The following CSMD1 variants were observed in gnomAD, a reference collection of about 807,000 sequenced individuals.
CSMD1 encodes the protein CUB and Sushi multiple domains 1.
A neutral mutation model predicts 417.5 loss-of-function variants in CSMD1; 213 were observed. That is an observed-to-expected ratio of 0.51 (90% CI 0.46 to 0.57). The LOEUF (loss-of-function observed/expected upper bound fraction) is 0.57. CSMD1 is among the 20% of genes least tolerant of loss of function. The pLI is 0.00. For synonymous variants in CSMD1, 2,862 were observed against 1,736.8 expected (o/e 1.65, Z -16.11); for missense variants, 6,923 against 4,529.7 (o/e 1.53, Z -15.17).
Position 4,198,464 on chromosome 8 carries a change from G to A in CSMD1, c.416-166365C>T, listed in dbSNP as rs538142318. Among the ~76,000 whole-genome samples, 3 of 152,262 alleles carry A rather than the reference G, an allele frequency of 2.0e-5. 1 individual carries two copies. Among genetic ancestry groups the A allele is most frequent in the South Asian group, 4.1e-4 (2 of 4,824 alleles). On this transcript the variant is annotated intron_variant, in intron 3 of 69. Transcript: ENST00000635120. Reference sequence around the variant, plus strand: ...GGTGGTTAGGTAAAATATGGATTTGGGGGATGAGAAAGAAATCACTAGAGG... The same window carrying A: ...GGTGGTTAGGTAAAATATGGATTTGAGGGATGAGAAAGAAATCACTAGAGG...
At chr8:3,576,229 G>T (rs1188889541) in intron 9 of CSMD1, among the ~76,000 whole-genome samples, 1 of 151,438 alleles carries the variant, frequency 6.6e-6, no homozygotes, top group African/African-American at 2.4e-5. Flanking sequence ...TTTCCAAAGG[G>T]ACTCAAGAAC....
intron 3 of CSMD1, among the ~76,000 whole-genome samples, chr8:4,216,904 T>A (rs73658491): frequency 0.032 from 4,940 of 152,266 alleles, 222 homozygotes; most frequent in East Asian, 0.11. Context: ...CCAGTTTTGA[T>A]TTCCAGCATC....
At chr8:3,582,297 T>C (rs769496966) in intron 9 of CSMD1, among the ~76,000 whole-genome samples, 1 of 152,210 alleles carries the variant, frequency 6.6e-6, no homozygotes, top group Non-Finnish European at 1.5e-5. Context: ...TCCACTTTTA[T>C]AAATGTTTTT....
At chr8:3,757,341 T>G (rs1276617869) in intron 5 of CSMD1, among the ~76,000 whole-genome samples, 8 of 152,222 alleles carry the variant, frequency 5.3e-5, no homozygotes, top group Admixed American at 2.6e-4. Context: ...ACTTTGCAGG[T>G]GTAGTTGGCA....
chr8:3,829,883 C>G (rs1563122774), intron 5 of CSMD1, among the ~76,000 whole-genome samples: 1 of 152,104 alleles, frequency 6.6e-6, no homozygotes. Flanking sequence ...GTTATGTGAA[C>G]ATCTATCTAC....
At chr8:4,810,448 T>G (rs943977267) in intron 1 of CSMD1, among the ~76,000 whole-genome samples, 24 of 152,192 alleles carry the variant, frequency 1.6e-4, no homozygotes, top group Non-Finnish European at 5.9e-5. Context: ...GGCCTTTTCT[T>G]GCTTTGCCAC....
chr8:4,309,130 C>G (rs182553915), intron 3 of CSMD1, among the ~76,000 whole-genome samples: 263 of 152,204 alleles, frequency 1.7e-3, no homozygotes, highest in African/African-American at 6.1e-3. Context: ...TCAGGGTGTA[C>G]TTTGCACACA....
intron 41 of CSMD1, among the ~76,000 whole-genome samples, chr8:3,134,910 A>G (rs1817993241): frequency 6.6e-6 from 1 of 152,162 alleles, no homozygotes; most frequent in African/African-American, 2.4e-5. Flanking sequence ...AGCACACCAT[A>G]CGTAACAGTT....
intron 1 of CSMD1, among the ~76,000 whole-genome samples, chr8:4,712,125 C>T (rs1017708960): frequency 1.3e-5 from 2 of 152,164 alleles, no homozygotes; most frequent in South Asian, 2.1e-4. Flanking sequence ...TGGGACTGAC[C>T]GTGGTTGAAG....
intron 3 of CSMD1, among the ~76,000 whole-genome samples, chr8:4,395,503 C>T (rs564244533): frequency 6.6e-6 from 1 of 151,490 alleles, no homozygotes; most frequent in South Asian, 2.1e-4. Flanking sequence ...CCACCCCTCA[C>T]TCCCTACACC....
chr8:4,942,207 G>C (rs911775404), intron 1 of CSMD1, among the ~76,000 whole-genome samples: 6 of 151,930 alleles, frequency 3.9e-5, no homozygotes, highest in Non-Finnish European at 5.9e-5. Flanking sequence ...CCAACACACA[G>C]ACACATATAA....
At chr8:3,559,390 C>T (rs76798332) in intron 10 of CSMD1, among the ~76,000 whole-genome samples, 1,667 of 152,112 alleles carry the variant, frequency 0.011, 14 homozygotes, top group Non-Finnish European at 0.018. Context: ...ACTAAGTAGC[C>T]AAAACAAATA....
chr8:4,781,179 A>G (rs984482098), intron 1 of CSMD1, among the ~76,000 whole-genome samples: 9 of 152,154 alleles, frequency 5.9e-5, no homozygotes, highest in Non-Finnish European at 1.2e-4. Context: ...CAACCTAGCA[A>G]ATACATCTCC....
intron 50 of CSMD1, among the ~76,000 whole-genome samples, chr8:3,032,315 T>C (rs981966645): frequency 6.6e-6 from 1 of 151,966 alleles, no homozygotes; most frequent in East Asian, 1.9e-4. Flanking sequence ...AAATCCCAAA[T>C]AATATAAACC....
At chr8:4,436,368 T>G (rs1798149607) in intron 2 of CSMD1, among the ~76,000 whole-genome samples, 1 of 152,196 alleles carries the variant, frequency 6.6e-6, no homozygotes, top group Non-Finnish European at 1.5e-5. Flanking sequence ...ATTGCCTGAT[T>G]TATACATCAA....
intron 52 of CSMD1, among the ~76,000 whole-genome samples, chr8:3,009,505 C>T (rs1336747289): frequency 6.6e-6 from 1 of 152,272 alleles, no homozygotes; most frequent in East Asian, 1.9e-4. Flanking sequence ...TCAGTATTAA[C>T]AAATGGTCAT....
intron 4 of CSMD1, among the ~76,000 whole-genome samples, chr8:4,009,448 A>G (rs1331776828): frequency 1.3e-5 from 2 of 152,236 alleles, no homozygotes; most frequent in Non-Finnish European, 2.9e-5. Flanking sequence ...CGGATACATC[A>G]TTAAATAAGC....
At chr8:3,859,007 G>C (rs111653615) in intron 5 of CSMD1, among the ~76,000 whole-genome samples, 9 of 152,266 alleles carry the variant, frequency 5.9e-5, no homozygotes, top group African/African-American at 2.2e-4. Flanking sequence ...CCTTCATAGT[G>C]CTATGAAGTG....
intron 5 of CSMD1, among the ~76,000 whole-genome samples, chr8:3,770,387 G>T (rs1193291047): frequency 2.0e-5 from 3 of 152,114 alleles, no homozygotes; most frequent in Non-Finnish European, 2.9e-5. Context: ...AAATTAGCCA[G>T]GCACGGTGGT....
Sources: allele counts gnomAD v4.1 joint callset (sites outside exome capture counted in the v4.1 genomes callset), GRCh38; gene constraint gnomAD v4.1.1; transcripts MANE v1.5; gene names NCBI Gene and HGNC (gene_info 2026-07-23, HGNC 2026-07-21).